The following ACAP2 variants were observed in gnomAD, a reference collection of about 807,000 sequenced individuals.
ACAP2 encodes the protein arf-GAP with coiled-coil, ANK repeat and PH domain-containing protein 2.
A neutral mutation model predicts 115.8 loss-of-function variants in ACAP2; 39 were observed. The observed-to-expected ratio is 0.34, with a 90% CI of 0.26 to 0.44. The LOEUF (loss-of-function observed/expected upper bound fraction) is 0.44, where lower values mean the gene tolerates loss of function less well. Ranked by LOEUF, ACAP2 falls within the 20% of genes least tolerant of loss-of-function variation. The pLI is 1.00. For synonymous variants in ACAP2, 289 were observed against 315.8 expected, an observed-to-expected ratio of 0.92 and a Z score of 0.90; for missense variants, 662 against 927.6, an observed-to-expected ratio of 0.71 and a Z score of 3.72.
intron 1 of ACAP2, among the ~76,000 whole-genome samples, chr3:195,442,511 C>T (rs1018515108): frequency 2.0e-5 from 3 of 152,230 alleles, no homozygotes; most frequent in African/African-American, 7.2e-5. Context: ...CACCCCATTT[C>T]CCCCAGCGGG....
intron 1 of ACAP2, among the ~76,000 whole-genome samples, chr3:195,397,556 T>G (rs1015187833): frequency 1.3e-5 from 2 of 152,040 alleles, no homozygotes; most frequent in African/African-American, 4.8e-5. Context: ...GGGTCCTCTA[T>G]GCTGGGTCTC....
At chr3:195,363,708 C>T (rs965023077) in intron 4 of ACAP2, among the ~76,000 whole-genome samples, 11 of 151,820 alleles carry the variant, frequency 7.2e-5, no homozygotes, top group Non-Finnish European at 1.6e-4. Context: ...ATCACATTAC[C>T]TCAAATTATA....
intron 4 of ACAP2, among the ~76,000 whole-genome samples, chr3:195,360,042 T>C (rs187471873): frequency 6.6e-6 from 1 of 152,154 alleles, no homozygotes; most frequent in Admixed American, 6.5e-5. Flanking sequence ...TCCATAACAT[T>C]GAATGTAAAT....
chr3:195,317,175 G>A (rs1430401423), intron 10 of ACAP2, among the ~76,000 whole-genome samples: 1 of 151,796 alleles, frequency 6.6e-6, no homozygotes, highest in Non-Finnish European at 1.5e-5. Context: ...TGGGATTATA[G>A]GCGTGAGCCA....
chr3:195,424,302 T>A lies in ACAP2; in HGVS notation c.53+18493A>T, dbSNP rs867110988. Among the ~76,000 whole-genome samples, 467 of 94,586 alleles carry A rather than the reference T, an allele frequency of 4.9e-3. 14 individuals carry two copies. The highest frequency in any genetic ancestry group is 0.039 in the East Asian group (72 of 1,846). 62.1% of individuals were successfully genotyped at this position (94,586 alleles called of 152,430 possible). A position where few individuals can be genotyped will look rare whatever the true frequency, so the allele number is the denominator to read the frequency against. On this transcript the variant is annotated intron_variant, in intron 1 of 22. Coordinates refer to ENST00000326793, the MANE Select transcript of ACAP2 (RefSeq NM_012287.6). ...ATATATATTTTTTTTTTTTTTTTTT[T>A]TTTTTTTTTTGAAACAGAGTCTCGC... is the stretch of plus-strand genomic sequence containing the variant.
chr3:195,420,988 A>G (rs899872892), intron 1 of ACAP2, among the ~76,000 whole-genome samples: 4 of 152,152 alleles, frequency 2.6e-5, no homozygotes, highest in Admixed American at 2.0e-4. Flanking sequence ...GTGATAGAAT[A>G]AGGAATAGGG....
Position 195,320,758 on chromosome 3 carries a change from A to G in ACAP2, c.800T>C (p.Ile267Thr), listed in dbSNP as rs754436022. The change falls in exon 10 of 23, where the codon ATA becomes ACA. Residue 267 changes from isoleucine (I) to threonine (T), a missense_variant. Ile to Thr is a moderately conservative substitution (Grantham distance 89). Coordinates refer to ENST00000326793, the MANE Select transcript of ACAP2 (RefSeq NM_012287.6). The stretch of plus-strand genomic sequence containing the variant: ...TTTGAACAGATATCCTTCCATAACT[A>G]TGCCATTTGCAGCATCTACGTTATA... ...LEYNVDAANG[I>T]VMEGYLFKRA... is the part of the protein sequence containing the mutation. The G allele has an allele frequency of 6.2e-7, 1 of 1,613,724 alleles. No homozygotes were observed. The highest frequency in any genetic ancestry group is 1.1e-5 in the South Asian group (1 of 91,070).
chr3:195,295,310 T>C (rs1462647831), intron 17 of ACAP2: 2 of 1,290,172 alleles, frequency 1.6e-6, no homozygotes, highest in Non-Finnish European at 2.0e-6. Context: ...ACTGGGGACA[T>C]GCAAGTTAGC....
chr3:195,366,852 T>C (rs1732758003), intron 4 of ACAP2, among the ~76,000 whole-genome samples: 1 of 151,790 alleles, frequency 6.6e-6, no homozygotes, highest in Non-Finnish European at 1.5e-5. Context: ...ATGGGAAAAA[T>C]GAAGGAGTCC....
At chr3:195,296,033 A>G (rs1727637171) in intron 16 of ACAP2, 141 bp from the exon 17 acceptor site, 3 of 627,448 alleles carry the variant, frequency 4.8e-6, no homozygotes, top group Admixed American at 3.4e-5. Flanking sequence ...GACATTATAC[A>G]TATATATATT....
At chr3:195,325,610 A>G (rs1729743260) in intron 9 of ACAP2, among the ~76,000 whole-genome samples, 1 of 151,996 alleles carries the variant, frequency 6.6e-6, no homozygotes, top group East Asian at 1.9e-4. Context: ...CTTCAGTACA[A>G]CACTGAACTG....
intron 8 of ACAP2, among the ~76,000 whole-genome samples, chr3:195,331,624 T>C (rs1432755793): frequency 1.3e-5 from 2 of 151,978 alleles, no homozygotes; most frequent in African/African-American, 4.8e-5. Context: ...AAACTCTATT[T>C]TTCATCATCA....
chr3:195,378,438 G>C (rs1213204482), intron 4 of ACAP2, among the ~76,000 whole-genome samples: 1 of 151,870 alleles, frequency 6.6e-6, no homozygotes, highest in East Asian at 1.9e-4. Context: ...GTTGCAGTGA[G>C]CCAAGATTGC....
chr3:195,337,836 G>A (rs1010036132), intron 6 of ACAP2, among the ~76,000 whole-genome samples: 2 of 150,040 alleles, frequency 1.3e-5, no homozygotes, highest in African/African-American at 2.4e-5. Flanking sequence ...AGTGTGATGT[G>A]GCCCCTACCT....
intron 13 of ACAP2, among the ~76,000 whole-genome samples, chr3:195,305,344 A>T (rs1222485867): frequency 6.6e-6 from 1 of 152,212 alleles, no homozygotes; most frequent in Non-Finnish European, 1.5e-5. Flanking sequence ...AAAAGCTTCA[A>T]CATCAACACT....
At chr3:195,330,123 G>A (rs1730070463) in intron 8 of ACAP2, among the ~76,000 whole-genome samples, 1 of 152,024 alleles carries the variant, frequency 6.6e-6, no homozygotes, top group Non-Finnish European at 1.5e-5. Flanking sequence ...TCTCCCTCTT[G>A]AGCTCCGCAT....
intron 7 of ACAP2, among the ~76,000 whole-genome samples, chr3:195,335,640 C>T (rs1185908153): frequency 1.3e-5 from 2 of 152,028 alleles, no homozygotes; most frequent in Non-Finnish European, 2.9e-5. Context: ...ATCTCGAAAA[C>T]AAGTGGGGTA....
rs1343151461 is a variant in ACAP2, at chr3:195,419,883, T to C, written c.53+22912A>G. Among the ~76,000 whole-genome samples the C allele has an allele frequency of 8.2e-4, 125 of 152,020 alleles. 1 individual carries two copies. Among genetic ancestry groups the C allele is most frequent in the Admixed American group, 8.2e-3 (125 of 15,264 alleles). Reference sequence around the variant, plus strand: ...TGGATTTTTAAAACTTCTGTTCATCTGTCTGTTCTAGGATCAATCTCTATA... The same window carrying C: ...TGGATTTTTAAAACTTCTGTTCATCCGTCTGTTCTAGGATCAATCTCTATA... On this transcript the variant is annotated intron_variant, in intron 1 of 22. Coordinates refer to ENST00000326793, the MANE Select transcript of ACAP2 (RefSeq NM_012287.6).
intron 13 of ACAP2, among the ~76,000 whole-genome samples, chr3:195,303,228 C>T (rs939186455): frequency 4.6e-5 from 7 of 151,292 alleles, no homozygotes; most frequent in African/African-American, 7.3e-5. Context: ...GTCATATGAG[C>T]GTAAATACAT....
Sources: allele counts gnomAD v4.1 joint callset (sites outside exome capture counted in the v4.1 genomes callset), GRCh38; gene constraint gnomAD v4.1.1; transcripts MANE v1.5; gene names NCBI Gene and HGNC (gene_info 2026-07-23, HGNC 2026-07-21).